The following SEC31A variants were observed in gnomAD, a reference collection of about 807,000 sequenced individuals.
The protein encoded by SEC31A is SEC31 homolog A, COPII component, also known as protein transport protein Sec31A.
A neutral mutation model predicts 151.0 loss-of-function variants in SEC31A; 70 were observed. The observed-to-expected ratio is 0.46, with a 90% CI of 0.38 to 0.57. SEC31A has a LOEUF of 0.57. SEC31A is among the 20% of genes least tolerant of loss of function. The pLI is 0.00. For synonymous variants in SEC31A, 475 were observed against 505.9 expected (o/e 0.94, Z 0.82); for missense variants, 1,330 against 1,471.2 (o/e 0.90, Z 1.57).
At chr4:82,872,773 T>A (rs1737024417) in intron 6 of SEC31A, among the ~76,000 whole-genome samples, 1 of 152,118 alleles carries the variant, frequency 6.6e-6, no homozygotes, top group African/African-American at 2.4e-5. Context: ...TGGCACGATC[T>A]CAGCTCACTG....
chr4:82,830,012 T>G (rs974556332), intron 22 of SEC31A, among the ~76,000 whole-genome samples: 21 of 152,188 alleles, frequency 1.4e-4, no homozygotes, highest in African/African-American at 3.6e-4. Flanking sequence ...ACAAAAAAAT[T>G]ATTCCCTTTC....
At chr4:82,848,193 C>T (rs1239492685) in intron 20 of SEC31A, among the ~76,000 whole-genome samples, 1 of 151,806 alleles carries the variant, frequency 6.6e-6, no homozygotes, top group Non-Finnish European at 1.5e-5. Context: ...TAAGAAGCCA[C>T]ATTTTATGAC....
At chr4:82,849,109 C>A in intron 19 of SEC31A, 132 bp from the exon 20 acceptor site, 3 of 761,436 alleles carry the variant, frequency 3.9e-6, no homozygotes, top group South Asian at 3.7e-5. Context: ...ATACAATAGA[C>A]CCTGACACAC....
chr4:82,846,366 C>CATTA (rs1553928443), intron 20 of SEC31A, among the ~76,000 whole-genome samples: 1 of 140,546 alleles, frequency 7.1e-6, no homozygotes, highest in African/African-American at 2.6e-5. Flanking sequence ...AACTCCAAAA[C>CATTA]ATAATAATAA....
intron 16 of SEC31A, among the ~76,000 whole-genome samples, chr4:82,856,739 A>G (rs1171270871): frequency 2.0e-5 from 3 of 152,122 alleles, no homozygotes; most frequent in Non-Finnish European, 4.4e-5. Context: ...TGACAGAGCA[A>G]GACCCCGTCT....
rs569840584 is a variant in SEC31A, at chr4:82,841,946, T to G, written c.2968+194A>C. ...GAGAGTGCACCACTGTACTACAGCC[T>G]GGGTGACAGAGAGAGACTCCATCAC... On this transcript the variant is annotated intron_variant, in intron 22 of 26. Transcript: ENST00000395310. Among the ~76,000 whole-genome samples the G allele has an allele frequency of 1.3e-4, 19 of 151,490 alleles. No homozygotes were observed. The South Asian group carries it at 3.7e-3, about 30-fold the overall frequency.
intron 10 of SEC31A, 104 bp from the exon 11 acceptor site, chr4:82,864,702 T>C: frequency 1.3e-6 from 1 of 768,480 alleles, no homozygotes; most frequent in South Asian, 1.8e-5. Context: ...AATTAGTTGA[T>C]ACAACCTCTC....
rs1040096839 is a variant in SEC31A at position 82,853,495 on chromosome 4, T to C, written c.2154+75A>G. On this transcript the variant is annotated intron_variant, in intron 18 of 26. Coordinates refer to ENST00000395310, the MANE Select transcript of SEC31A (RefSeq NM_001077207.4). ...TGAATGTATAGAAAAAATGAACTTATAGATTATAACTTGATGATAAGTAGG... is the reference window on the plus strand; with the variant it reads ...TGAATGTATAGAAAAAATGAACTTACAGATTATAACTTGATGATAAGTAGG... 4.8e-6 allele frequency: 6 copies of C among 1,250,726 alleles called. 1 individual carries two copies. In the South Asian group the frequency reaches 5.0e-5, roughly 11 times the overall value. 77.5% of individuals were successfully genotyped at this position (1,250,726 alleles called of 1,614,324 possible).
chr4:82,879,897 C>G (rs1738889292), intron 3 of SEC31A, among the ~76,000 whole-genome samples: 1 of 152,076 alleles, frequency 6.6e-6, no homozygotes, highest in South Asian at 2.1e-4. Context: ...AATATCGTAA[C>G]AGAAGAAAAT....
intron 25 of SEC31A, 140 bp downstream of exon 25, chr4:82,824,415 G>A: frequency 1.3e-6 from 1 of 794,340 alleles, no homozygotes. Flanking sequence ...ATGTTGGCCA[G>A]GATGGTCTTG....
chr4:82,893,765 A>G (rs1201469274), upstream of SEC31A: 2 of 152,214 alleles, frequency 1.3e-5, no homozygotes, highest in East Asian at 1.9e-4. Flanking sequence ...AATATAAACT[A>G]TATTTTTGAA....
intron 8 of SEC31A, among the ~76,000 whole-genome samples, chr4:82,868,148 A>G (rs1735810051): frequency 6.6e-6 from 1 of 152,238 alleles, no homozygotes; most frequent in African/African-American, 2.4e-5. Flanking sequence ...TCCTAACAGA[A>G]TTCGGCATTA....
At chr4:82,885,654 C>T (rs370305225) in intron 1 of SEC31A, among the ~76,000 whole-genome samples, 3 of 152,254 alleles carry the variant, frequency 2.0e-5, no homozygotes, top group Admixed American at 6.5e-5. Flanking sequence ...AAATGATGTC[C>T]TTTGACTCAT....
chr4:82,867,938 C>G (rs1408935755), intron 8 of SEC31A, among the ~76,000 whole-genome samples: 1 of 152,170 alleles, frequency 6.6e-6, no homozygotes, highest in East Asian at 1.9e-4. Context: ...CGGCCTAGGG[C>G]CAACTTTTTA....
chr4:82,856,050 GC>G (rs1218428030), intron 16 of SEC31A, among the ~76,000 whole-genome samples: 1 of 152,130 alleles, frequency 6.6e-6, no homozygotes, highest in African/African-American at 2.4e-5. Context: ...ATATAAACAA[GC>G]GTGTTTATTT....
At chr4:82,898,209 A>C (rs1477748574) in intron 3 of SEC31A, 1 of 152,268 alleles carries the variant, frequency 6.6e-6, no homozygotes, top group Non-Finnish European at 1.5e-5. Context: ...GAAAAGGTTT[A>C]ATCACTGGAT....
chr4:82,864,244 G>A (rs754392753), intron 11 of SEC31A, 118 bp downstream of exon 11: 12 of 728,194 alleles, frequency 1.6e-5, no homozygotes, highest in Non-Finnish European at 2.5e-5. Flanking sequence ...ATTTCATGAT[G>A]AATTGCTGAA....
At chr4:82,831,111 CT>C in intron 22 of SEC31A, 1 of 187,866 alleles carries the variant, frequency 5.3e-6, no homozygotes, top group Non-Finnish European at 1.0e-5. Context: ...ACAAAACTCA[CT>C]TTTTAATCAA....
chr4:82,819,628 C>G (rs1346764730), intron 26 of SEC31A, among the ~76,000 whole-genome samples: 1 of 152,156 alleles, frequency 6.6e-6, no homozygotes, highest in Non-Finnish European at 1.5e-5. Context: ...ATCATAATAT[C>G]TCAAAGGAAG....
Sources: gnomAD v4.1 joint callset for allele counts (sites outside exome capture counted in the v4.1 genomes callset) on GRCh38, gnomAD v4.1.1 for gene constraint, MANE v1.5 for transcripts, NCBI Gene and HGNC (gene_info 2026-07-23, HGNC 2026-07-21) for gene names.